APOA5: variants seen among roughly 807,000 people sequenced by gnomAD.
APOA5 encodes the protein apolipoprotein A-V.
Under a neutral mutation model 31.8 loss-of-function variants are expected in APOA5, and 26 were observed. The ratio of observed to expected loss-of-function variants is 0.82; its 90% CI spans 0.60 to 1.13. The LOEUF is 1.13. Among genes scored for constraint, APOA5 ranks in the 50% most tolerant of loss-of-function variants. The pLI, the probability that APOA5 is intolerant of heterozygous loss-of-function variation, is 0.00. For synonymous variants in APOA5, 186 were observed against 198.5 expected (o/e 0.94, Z 0.53); for missense variants, 450 against 488.0 (o/e 0.92, Z 0.73).
chr11:116,791,512 A>T, intron 2 of APOA5, 74 bp downstream of exon 2: 1 of 1,410,852 alleles, frequency 7.1e-7, no homozygotes, highest in South Asian at 1.2e-5. Flanking sequence ...AGGTTGAGGC[A>T]GCAGAGGCAG....
Position 116,791,850 on chromosome 11 carries a change from A to G in APOA5, c.11T>C (p.Met4Thr). 1 of 1,614,208 alleles carries G rather than the reference A, an allele frequency of 6.2e-7. No individual in the cohort carries two copies. Among genetic ancestry groups the G allele is most frequent in the South Asian group, 1.1e-5 (1 of 91,088 alleles). The change falls in exon 1 of 3, where the codon ATG becomes ACG. Residue 4 changes from methionine to threonine, a missense_variant. Coordinates refer to ENST00000227665, the MANE Select transcript of APOA5 (RefSeq NM_001371904.1). ...CAGAGCCCAGGTGAGCACGGCAGCC[A>G]TGCTTGCCATTACCTGCTCTGAGAA... is the stretch of plus-strand genomic sequence containing the variant. The part of the protein sequence containing the change: MAS[M>T]AAVLTWALAL...
upstream of APOA5, chr11:116,792,034 C>T: frequency 5.7e-6 from 4 of 698,312 alleles, no homozygotes; most frequent in Non-Finnish European, 1.0e-5. Context: ...GAGGACTGAC[C>T]TAGGTGAGTC....
At chr11:116,791,399 A>T in intron 2 of APOA5, 187 bp downstream of exon 2, 1 of 744,536 alleles carries the variant, frequency 1.3e-6, no homozygotes, top group Non-Finnish European at 2.3e-6. Context: ...CGGAGTTGTC[A>T]AGGCGGGGGC....
Position 116,791,644 on chromosome 11 carries a change from T to C in APOA5, c.103A>G (p.Ser35Gly), listed in dbSNP as rs765565265. 21 of 1,610,602 alleles carry C rather than the reference T, an allele frequency of 1.3e-5. No individual in the cohort carries two copies. The East Asian group carries it at 4.5e-4, about 34-fold the overall frequency. The change falls in exon 2 of 3, where the codon AGC becomes GGC. Residue 35 changes from serine to glycine, a missense_variant. Transcript: ENST00000227665. ...KGFWDYFSQT[S>G]GDKGRVEQIH... ...TGCTCCACCCTGCCTTTGTCCCCGCTGGTCTGGCTGAAGTAGTCCCAGAAG... is the reference window on the plus strand; with the variant it reads ...TGCTCCACCCTGCCTTTGTCCCCGCCGGTCTGGCTGAAGTAGTCCCAGAAG...
At position 116,791,823 on chromosome 11, in the gene APOA5, G is replaced by T; in HGVS notation, c.38C>A (p.Ala13Asp). The T allele has an allele frequency of 6.2e-7, 1 of 1,614,188 alleles. No homozygotes were observed. The highest frequency in any genetic ancestry group is 8.5e-7 in the Non-Finnish European group (1 of 1,180,044). The change falls in exon 1 of 3, where the codon GCT (alanine) becomes GAT (aspartate). Residue 13 changes from alanine (A) to aspartate (D), a missense_variant. Physicochemically the swap from Ala to Asp is moderately radical, Grantham distance 126. Coordinates refer to ENST00000227665, the MANE Select transcript of APOA5 (RefSeq NM_001371904.1). ...GGTCGGAGACCCACCTGAAAGAAGA[G>T]CCAGAGCCCAGGTGAGCACGGCAGC... ...SMAAVLTWAL[A>D]LLSAFSATQA...
At chr11:116,791,746 G>T in intron 1 of APOA5, 49 bp from the exon 2 acceptor site, 1 of 1,612,980 alleles carries the variant, frequency 6.2e-7, no homozygotes. Flanking sequence ...CTCCCCCAGG[G>T]TGGACAGGGC....
intron 1 of APOA5, 25 bp downstream of exon 1, chr11:116,791,787 G>C: frequency 6.2e-7 from 1 of 1,614,194 alleles, no homozygotes; most frequent in Non-Finnish European, 8.5e-7. Flanking sequence ...ACACCCCCAC[G>C]TTGAAGTCAG....
Position 116,791,612 on chromosome 11 carries a change from A to T in APOA5, c.135T>A (p.His45Gln). 6.2e-7 allele frequency: 1 copy of T among 1,607,668 alleles called. No homozygotes were observed. The change falls in exon 2 of 3, where the codon CAT becomes CAA. Residue 45 changes from histidine (H) to glutamine (Q), a missense_variant. Coordinates refer to ENST00000227665, the MANE Select transcript of APOA5 (RefSeq NM_001371904.1). The part of the protein sequence containing the change: ...SGDKGRVEQI[H>Q]QQKMAREPAT... ...CGGGCTCGCGAGCCATCTTCTGCTG[A>T]TGGATCTGCTCCACCCTGCCTTTGT... is the stretch of plus-strand genomic sequence containing the variant.
upstream of APOA5, chr11:116,792,287 C>G: frequency 3.3e-6 from 1 of 305,614 alleles, no homozygotes; most frequent in Non-Finnish European, 6.4e-6. Flanking sequence ...TCCAAGAGGA[C>G]GTCTTAGGGG....
rs775809738 is a variant in APOA5, at chr11:116,790,579, G to T, written c.650C>A (p.Ala217Asp). The T allele has an allele frequency of 2.5e-6, 4 of 1,599,164 alleles. No homozygotes were observed. The Admixed American group carries it at 5.0e-5, about 20-fold the overall frequency. Reference protein sequence around the residue: ...QELHRSVAPHAPASPARLSRC... With the variant: ...QELHRSVAPHDPASPARLSRC... ...ACTGAGGCGCGCGGGGCTGGCGGGG[G>T]CGTGCGGAGCCACACTGCGGTGCAG... Residue 217 changes from alanine to aspartate, a missense_variant, in exon 3 of 3, where the codon GCC becomes GAC. Physicochemically the swap from Ala to Asp is moderately radical, Grantham distance 126. Coordinates refer to ENST00000227665, the MANE Select transcript of APOA5 (RefSeq NM_001371904.1).
Position 116,790,289 on chromosome 11 carries a change from G to C in APOA5, c.940C>G (p.Leu314Val). 1.9e-6 allele frequency: 3 copies of C among 1,614,282 alleles called. No homozygotes were observed. Among genetic ancestry groups the C allele is most frequent in the Non-Finnish European group, 2.5e-6 (3 of 1,180,044 alleles). Residue 314 changes from leucine (L) to valine (V), a missense_variant, in exon 3 of 3, where the codon CTG (leucine) becomes GTG (valine). Leu to Val is a conservative substitution (Grantham distance 32). Coordinates refer to ENST00000227665, the MANE Select transcript of APOA5 (RefSeq NM_001371904.1). ...DQETEEVQQQLAPPPPGHSAF... is the reference protein window; with the variant it reads ...DQETEEVQQQVAPPPPGHSAF... ...CTGTGGCCTGGTGGAGGTGGCGCCA[G>C]CTGCTGCTGGACCTCCTCAGTCTCC...
rs1267566756 is a variant in APOA5 at position 116,789,787 on chromosome 11, T to G, written c.*341A>C. The G allele has an allele frequency of 2.5e-6, 1 of 401,686 alleles. No individual in the cohort carries two copies. Among genetic ancestry groups the G allele is most frequent in the Non-Finnish European group, 4.7e-6 (1 of 212,302 alleles). 24.9% of individuals were successfully genotyped at this position (401,686 alleles called of 1,614,324 possible). On this transcript the variant is annotated 3_prime_UTR_variant, in exon 3 of 3. Coordinates refer to ENST00000227665, the MANE Select transcript of APOA5 (RefSeq NM_001371904.1). ...AACTCCAGGATGTAGTGGCACAGGC[T>G]TCCAGCATCACGGCAAACAGGCTTG...
At chr11:116,791,960 G>C (rs1055604951), upstream of APOA5, 1 of 1,322,522 alleles carries the variant, frequency 7.6e-7, no homozygotes, top group African/African-American at 1.5e-5. Context: ...CTCTGCAGGG[G>C]CAACTGCCCG....
In APOA5 at chr11:116,791,033, T is replaced by C; in HGVS notation, c.196A>G (p.Asn66Asp). 6.2e-7 allele frequency: 1 copy of C among 1,611,172 alleles called. No individual in the cohort carries two copies. The highest frequency in any genetic ancestry group is 2.2e-5 in the East Asian group (1 of 44,838). The change falls in exon 3 of 3, where the codon AAT becomes GAT. Residue 66 changes from asparagine to aspartate, a missense_variant. Asn to Asp is a conservative substitution (Grantham distance 23, BLOSUM62 1). Transcript: ENST00000227665. Reference protein sequence around the residue: ...LKDSLEQDLNNMNKFLEKLRP... With the variant: ...LKDSLEQDLNDMNKFLEKLRP... ...AGCTTTTCCAGGAACTTGTTCATATTGTTGAGGTCTTGCTCAAGGCTGTCT... is the reference window on the plus strand; with the variant it reads ...AGCTTTTCCAGGAACTTGTTCATATCGTTGAGGTCTTGCTCAAGGCTGTCT...
Position 116,790,802 on chromosome 11 carries a change from G to A in APOA5, c.427C>T (p.Arg143Cys). ...AACTGCTCCTGCAGCTCCTGCACGCGCAGGGCCACCTGCTCCATCAGATCC... is the reference window on the plus strand; with the variant it reads ...AACTGCTCCTGCAGCTCCTGCACGCACAGGGCCACCTGCTCCATCAGATCC... ...TMDLMEQVAL[R>C]VQELQEQLRV... The change falls in exon 3 of 3, where the codon CGC becomes TGC. Residue 143 changes from arginine to cysteine, a missense_variant. Physicochemically the swap from Arg to Cys is radical, Grantham distance 180. Transcript: ENST00000227665. 8 of 1,613,646 alleles carry A rather than the reference G, an allele frequency of 5.0e-6. No homozygotes were observed. Among genetic ancestry groups the A allele is most frequent in the Non-Finnish European group, 6.8e-6 (8 of 1,179,976 alleles).
At chr11:116,791,502 A>G in intron 2 of APOA5, 84 bp downstream of exon 2, 1 of 1,331,782 alleles carries the variant, frequency 7.5e-7, no homozygotes, top group South Asian at 1.2e-5. Context: ...GCGGCCACAG[A>G]GGTTGAGGCA....
At chr11:116,791,476 T>A (rs1169475926) in intron 2 of APOA5, 110 bp downstream of exon 2, 6 of 1,168,008 alleles carry the variant, frequency 5.1e-6, no homozygotes, top group Non-Finnish European at 7.4e-6. Flanking sequence ...CACCGCTCCT[T>A]TCCTCTGTCC....
Position 116,790,372 on chromosome 11 carries a change from T to A in APOA5, c.857A>T (p.Gln286Leu). ...MLSEEVRQRL[Q>L]AFRQDTYLQI... ...CAGGTAGGTGTCCTGGCGGAAAGCCTGAAGTCGCTGGCGCACCTCCTCGGA... is the reference window on the plus strand; with the variant it reads ...CAGGTAGGTGTCCTGGCGGAAAGCCAGAAGTCGCTGGCGCACCTCCTCGGA... Residue 286 changes from glutamine to leucine, a missense_variant, in exon 3 of 3, where the codon CAG becomes CTG. Gln to Leu is a moderately radical substitution (Grantham distance 113, BLOSUM62 -2). Transcript: ENST00000227665. The A allele has an allele frequency of 1.2e-6, 2 of 1,613,030 alleles. No homozygotes were observed. Among genetic ancestry groups the A allele is most frequent in the Non-Finnish European group, 1.7e-6 (2 of 1,180,036 alleles).
rs1376410461 is a variant in APOA5, at chr11:116,790,826, C to T, written c.403G>A (p.Asp135Asn). The T allele has an allele frequency of 6.2e-7, 1 of 1,613,862 alleles. No homozygotes were observed. The highest frequency in any genetic ancestry group is 8.5e-7 in the Non-Finnish European group (1 of 1,180,036). ...CGCAGGGCCACCTGCTCCATCAGAT[C>T]CATCGTGTAGGGCTTCAGTTGCTGC... ...LRQQLKPYTMDLMEQVALRVQ... is the reference protein window; with the variant it reads ...LRQQLKPYTMNLMEQVALRVQ... The change falls in exon 3 of 3, where the codon GAT (aspartate) becomes AAT (asparagine). Residue 135 changes from aspartate to asparagine, a missense_variant. Asp to Asn is a conservative substitution (Grantham distance 23, BLOSUM62 1). Transcript: ENST00000227665.
Sources: allele counts gnomAD v4.1 joint callset, GRCh38; gene constraint gnomAD v4.1.1; transcripts MANE v1.5; gene names NCBI Gene and HGNC (gene_info 2026-07-23, HGNC 2026-07-21).